The following NKAIN2 variants were observed in gnomAD, a reference collection of about 807,000 sequenced individuals.
The protein encoded by NKAIN2 is sodium/potassium-transporting ATPase subunit beta-1-interacting protein 2.
In NKAIN2, 14 loss-of-function variants were observed where a neutral mutation model predicts 32.6. That is an observed-to-expected ratio of 0.43 (90% confidence interval 0.28 to 0.67). The LOEUF (loss-of-function observed/expected upper bound fraction) is 0.67, where lower values mean the gene tolerates loss of function less well. Ranked by LOEUF, NKAIN2 falls within the 30% of genes least tolerant of loss-of-function variation. NKAIN2 has a pLI of 0.17. For synonymous variants in NKAIN2, 80 were observed against 87.2 expected (o/e 0.92, Z 0.46); for missense variants, 198 against 258.3 (o/e 0.77, Z 1.60).
intron 3 of NKAIN2, among the ~76,000 whole-genome samples, chr6:124,538,794 T>A (rs1236624051): frequency 1.3e-5 from 2 of 152,144 alleles, no homozygotes; most frequent in African/African-American, 4.8e-5. Flanking sequence ...TATACTAATT[T>A]TCTCATTCGC....
intron 3 of NKAIN2, among the ~76,000 whole-genome samples, chr6:124,445,510 TAATC>T (rs1222323791): frequency 6.6e-6 from 1 of 152,098 alleles, no homozygotes; most frequent in Non-Finnish European, 1.5e-5. Flanking sequence ...AAATTCAAAA[TAATC>T]AATAAGACTT....
intron 5 of NKAIN2, among the ~76,000 whole-genome samples, chr6:124,806,585 G>A (rs932644837): frequency 2.0e-5 from 3 of 151,494 alleles, no homozygotes; most frequent in East Asian, 1.9e-4. Flanking sequence ...ATCAACTAAC[G>A]AGCAAGATAA....
At chr6:123,874,015 C>G (rs534246122) in intron 1 of NKAIN2, among the ~76,000 whole-genome samples, 54 of 152,286 alleles carry the variant, frequency 3.5e-4, no homozygotes, top group African/African-American at 1.1e-3. Context: ...ATGCCATCTG[C>G]TCCTTTTTAA....
rs1562222545 is a variant in NKAIN2, at chr6:124,498,920, A to AGCT, written c.273+143574_273+143575insCTG. Among the ~76,000 whole-genome samples, 314 of 152,020 alleles carry AGCT rather than the reference A, an allele frequency of 2.1e-3. 1 individual carries two copies. Among genetic ancestry groups the AGCT allele is most frequent in the African/African-American group, 7.4e-3 (307 of 41,478 alleles). On this transcript the variant is annotated intron_variant, in intron 3 of 6. Transcript: ENST00000368417. ...AACAATATTTATATCTCTTTTTTGTAGTTGTTGTTTTGTTTTGTTTTGTTT... is the reference window on the plus strand; with the variant it reads ...AACAATATTTATATCTCTTTTTTGTAGCTGTTGTTGTTTTGTTTTGTTTTGTTT...
intron 3 of NKAIN2, among the ~76,000 whole-genome samples, chr6:124,472,832 A>T (rs908306593): frequency 1.3e-5 from 2 of 152,026 alleles, no homozygotes; most frequent in African/African-American, 4.8e-5. Flanking sequence ...TTCTAAATAT[A>T]TATACACATA....
Position 124,409,245 on chromosome 6 carries a change from C to T in NKAIN2, c.273+53898C>T, listed in dbSNP as rs548914261. On this transcript the variant is annotated intron_variant, in intron 3 of 6. Coordinates refer to ENST00000368417, the MANE Select transcript of NKAIN2 (RefSeq NM_001040214.3). ...CCAACACTATGTTGAATAGGAGTGG[C>T]GAGAGAGGGCATCCCTGTCTTGTGC... 6.6e-4 allele frequency among the ~76,000 whole-genome samples: 100 copies of T among 151,176 alleles called. 1 individual carries two copies. Among genetic ancestry groups the T allele is most frequent in the Middle Eastern group, 3.4e-3 (1 of 292 alleles).
chr6:124,772,686 C>T (rs538599023), intron 4 of NKAIN2, among the ~76,000 whole-genome samples: 7 of 152,224 alleles, frequency 4.6e-5, no homozygotes, highest in African/African-American at 1.7e-4. Context: ...AGTCCATATA[C>T]AGTGAAAGTT....
intron 1 of NKAIN2, among the ~76,000 whole-genome samples, chr6:124,178,977 G>A (rs1486135841): frequency 6.6e-6 from 1 of 152,192 alleles, no homozygotes; most frequent in Non-Finnish European, 1.5e-5. Flanking sequence ...TTCAGATGTT[G>A]GTCATGGAGC....
chr6:124,022,626 TAAAC>T (rs1208587038), intron 1 of NKAIN2, among the ~76,000 whole-genome samples: 1 of 152,194 alleles, frequency 6.6e-6, no homozygotes. Flanking sequence ...AAAAGATAAA[TAAAC>T]AATAACTTGC....
intron 4 of NKAIN2, among the ~76,000 whole-genome samples, chr6:124,659,416 A>T (rs1033099320): frequency 6.9e-6 from 1 of 144,146 alleles, no homozygotes; most frequent in South Asian, 2.1e-4. Flanking sequence ...TTCTGGAATT[A>T]AAAAAAAAAA....
At chr6:124,803,260 A>C (rs1325900626) in intron 5 of NKAIN2, among the ~76,000 whole-genome samples, 1 of 152,164 alleles carries the variant, frequency 6.6e-6, no homozygotes, top group African/African-American at 2.4e-5. Flanking sequence ...CTGTACAGGC[A>C]ATTATTCTTT....
At chr6:124,497,647 AG>A (rs1778112746) in intron 3 of NKAIN2, among the ~76,000 whole-genome samples, 1 of 152,108 alleles carries the variant, frequency 6.6e-6, no homozygotes, top group South Asian at 2.1e-4. Flanking sequence ...GCCTATATAA[AG>A]TAAAATTCTC....
intron 5 of NKAIN2, among the ~76,000 whole-genome samples, chr6:124,810,787 A>G (rs1012581611): frequency 5.9e-5 from 9 of 152,110 alleles, no homozygotes; most frequent in Non-Finnish European, 1.2e-4. Flanking sequence ...GATTTAGCTA[A>G]TAAGTCTCAT....
At chr6:124,735,380 GA>G (rs1210718742) in intron 4 of NKAIN2, among the ~76,000 whole-genome samples, 1 of 151,812 alleles carries the variant, frequency 6.6e-6, no homozygotes, top group East Asian at 1.9e-4. Context: ...AAGAATAAAT[GA>G]AAAAATCTGC....
chr6:124,030,325 G>T (rs145065680), intron 1 of NKAIN2, among the ~76,000 whole-genome samples: 1 of 152,000 alleles, frequency 6.6e-6, no homozygotes, highest in Admixed American at 6.6e-5. Context: ...TGTTTTCCAC[G>T]AAACCCATCC....
intron 1 of NKAIN2, among the ~76,000 whole-genome samples, chr6:123,863,266 T>C (rs1270120042): frequency 6.6e-6 from 1 of 152,208 alleles, no homozygotes; most frequent in Non-Finnish European, 1.5e-5. Context: ...TTGGTAAATG[T>C]AGAGTCTGTC....
At chr6:124,089,532 C>T (rs1436250129) in intron 1 of NKAIN2, among the ~76,000 whole-genome samples, 4 of 151,922 alleles carry the variant, frequency 2.6e-5, no homozygotes, top group African/African-American at 7.3e-5. Flanking sequence ...TACATTTTCA[C>T]TTTACTATGT....
chr6:123,818,394 C>T (rs1353650371), intron 1 of NKAIN2, among the ~76,000 whole-genome samples: 1 of 147,360 alleles, frequency 6.8e-6, no homozygotes, highest in African/African-American at 2.6e-5. Context: ...CACACACACA[C>T]ACACACAGAG....
intron 2 of NKAIN2, among the ~76,000 whole-genome samples, chr6:124,317,240 T>C (rs1033485871): frequency 6.6e-6 from 1 of 152,138 alleles, no homozygotes; most frequent in African/African-American, 2.4e-5. Context: ...CCAAAGCTTG[T>C]CAGAACCCTG....
Sources: gnomAD v4.1 joint callset for allele counts (sites outside exome capture counted in the v4.1 genomes callset) on GRCh38, gnomAD v4.1.1 for gene constraint, MANE v1.5 for transcripts, NCBI Gene and HGNC (gene_info 2026-07-23, HGNC 2026-07-21) for gene names.